Variants in STXBP5L observed in about 807,000 individuals in gnomAD.
STXBP5L encodes syntaxin-binding protein 5-like.
STXBP5L carries 65 observed loss-of-function variants against 144.5 expected under a neutral mutation model. That is an observed-to-expected ratio of 0.45 (90% confidence interval 0.37 to 0.55). The LOEUF (loss-of-function observed/expected upper bound fraction) is 0.55. Ranked by LOEUF, STXBP5L falls within the 20% of genes least tolerant of loss-of-function variation. The probability of loss-of-function intolerance (pLI) is 0.00; values close to 1 mark genes in which losing one functional copy is unlikely to be tolerated. For missense variants in STXBP5L, 1,298 were observed against 1,405.5 expected (o/e 0.92, Z 1.22); for synonymous variants, 505 against 469.6 (o/e 1.08, Z -0.97).
intron 20 of STXBP5L, among the ~76,000 whole-genome samples, chr3:121,377,645 T>C (rs977197697): frequency 6.6e-6 from 1 of 152,194 alleles, no homozygotes; most frequent in Non-Finnish European, 1.5e-5. Context: ...CCAGTTAGAA[T>C]GGCAATCATT....
intron 5 of STXBP5L, among the ~76,000 whole-genome samples, chr3:121,048,282 T>G (rs1416991605): frequency 6.6e-6 from 1 of 152,160 alleles, no homozygotes; most frequent in Non-Finnish European, 1.5e-5. Context: ...CTTTCACTTT[T>G]TCCCTTTTCT....
intron 20 of STXBP5L, among the ~76,000 whole-genome samples, chr3:121,353,737 T>C (rs1259070998): frequency 1.3e-5 from 2 of 152,208 alleles, no homozygotes; most frequent in African/African-American, 4.8e-5. Flanking sequence ...TTTGAATTTG[T>C]TTCCTCTTGC....
chr3:121,184,203 C>T (rs1287032622), intron 9 of STXBP5L, among the ~76,000 whole-genome samples: 2 of 151,826 alleles, frequency 1.3e-5, no homozygotes, highest in African/African-American at 4.8e-5. Flanking sequence ...CAAAACTGGA[C>T]AGAGAATGAG....
In STXBP5L at chr3:120,953,770, C is replaced by A. The variant is rs116812362; in HGVS notation, c.190-1170C>A. 6.3e-3 allele frequency among the ~76,000 whole-genome samples: 963 copies of A among 152,068 alleles called. 13 individuals carry two copies. The highest frequency in any genetic ancestry group is 0.021 in the African/African-American group (868 of 41,498). On this transcript the variant is annotated intron_variant, in intron 2 of 26. Coordinates refer to ENST00000471454, the MANE Select transcript of STXBP5L (RefSeq NM_001308330.2). ...GTGTTCCTTGCAGATAGTTTTAGTT[C>A]TTCCTTCCTATCTGGATGTGTCTTA...
chr3:121,092,299 T>A (rs2042852423), intron 5 of STXBP5L, among the ~76,000 whole-genome samples: 1 of 152,050 alleles, frequency 6.6e-6, no homozygotes, highest in Non-Finnish European at 1.5e-5. Flanking sequence ...GTTTTCCAAT[T>A]CTGTGATGAA....
intron 12 of STXBP5L, 48 bp from the exon 13 acceptor site, chr3:121,238,923 G>GT (rs780973418): frequency 1.4e-5 from 21 of 1,455,364 alleles, no homozygotes; most frequent in East Asian, 5.1e-5. Context: ...ATTATTTTCT[G>GT]TTTTTTTCTT....
intron 20 of STXBP5L, among the ~76,000 whole-genome samples, chr3:121,378,450 G>T (rs998841012): frequency 1.3e-4 from 19 of 151,998 alleles, no homozygotes; most frequent in African/African-American, 4.6e-4. Flanking sequence ...AGAATACATG[G>T]TAGAGATATA....
At chr3:120,990,187 A>G (rs919579230) in intron 3 of STXBP5L, among the ~76,000 whole-genome samples, 27 of 152,198 alleles carry the variant, frequency 1.8e-4, no homozygotes, top group African/African-American at 6.0e-4. Flanking sequence ...GAGCCAAATC[A>G]TGAGTGAACT....
At chr3:121,052,874 A>G (rs1948132542) in intron 5 of STXBP5L, among the ~76,000 whole-genome samples, 1 of 152,218 alleles carries the variant, frequency 6.6e-6, no homozygotes, top group Non-Finnish European at 1.5e-5. Context: ...AATCTCCTTA[A>G]GCTGATAAGC....
chr3:121,298,748 G>A (rs1211045746), intron 19 of STXBP5L, among the ~76,000 whole-genome samples: 1 of 152,144 alleles, frequency 6.6e-6, no homozygotes, highest in Admixed American at 6.6e-5. Flanking sequence ...TGATTGCCAG[G>A]ATCTGTGGAG....
At chr3:120,913,586 A>G (rs928679209) in intron 2 of STXBP5L, among the ~76,000 whole-genome samples, 3 of 152,070 alleles carry the variant, frequency 2.0e-5, no homozygotes, top group African/African-American at 7.2e-5. Context: ...AAATCATTTG[A>G]TAAATGACTA....
chr3:121,156,191 T>G lies in STXBP5L; in HGVS notation c.754-1313T>G, dbSNP rs78896460. The stretch of plus-strand genomic sequence containing the variant: ...ATGTTGCTTTTTCCACTTAATCAAA[T>G]CTTATTTTCTTGATTATATGTGTAA... On this transcript the variant is annotated intron_variant, in intron 8 of 26. Coordinates refer to ENST00000471454, the MANE Select transcript of STXBP5L (RefSeq NM_001308330.2). Among the ~76,000 whole-genome samples, 166 of 152,110 alleles carry G rather than the reference T, an allele frequency of 1.1e-3. 3 individuals carry two copies. The East Asian group carries it at 0.031, about 29-fold the overall frequency.
intron 3 of STXBP5L, among the ~76,000 whole-genome samples, chr3:120,969,397 T>G (rs951317791): frequency 1.4e-4 from 4 of 29,106 alleles, no homozygotes; most frequent in Non-Finnish European, 3.9e-4. Context: ...ATTATTTGTG[T>G]TTTTTTTTTT....
chr3:121,384,297 C>T lies in STXBP5L; in HGVS notation c.2587+2765C>T, dbSNP rs540445562. ...CATGGCAGGGGGATTTGGGGAAGAG[C>T]TCCCTAACAAAGATGACATCTGAAG... On this transcript the variant is annotated intron_variant, in intron 22 of 26. Transcript: ENST00000471454. Among the ~76,000 whole-genome samples, 3 of 152,188 alleles carry T rather than the reference C, an allele frequency of 2.0e-5. No individual in the cohort carries two copies. In the East Asian group the frequency reaches 5.8e-4, roughly 29 times the overall value.
intron 20 of STXBP5L, among the ~76,000 whole-genome samples, chr3:121,376,620 G>T (rs570943200): frequency 2.6e-5 from 4 of 152,284 alleles, no homozygotes; most frequent in African/African-American, 9.6e-5. Flanking sequence ...GTATCATGCT[G>T]TTTTGGTTAC....
chr3:121,042,255 T>G (rs759456199), intron 4 of STXBP5L, among the ~76,000 whole-genome samples: 6 of 152,188 alleles, frequency 3.9e-5, no homozygotes, highest in Non-Finnish European at 7.4e-5. Context: ...TAGTTATTTT[T>G]GTGTCCGTAG....
intron 3 of STXBP5L, among the ~76,000 whole-genome samples, chr3:120,975,350 T>C (rs1576539228): frequency 6.6e-6 from 1 of 152,298 alleles, no homozygotes; most frequent in African/African-American, 2.4e-5. Context: ...TGTTTGTCTG[T>C]TATTGGTGTA....
intron 3 of STXBP5L, among the ~76,000 whole-genome samples, chr3:121,030,523 A>G (rs1279881803): frequency 6.6e-6 from 1 of 152,038 alleles, no homozygotes; most frequent in Non-Finnish European, 1.5e-5. Flanking sequence ...ACACCGGGGC[A>G]TGTTGCGGGG....
intron 7 of STXBP5L, among the ~76,000 whole-genome samples, chr3:121,138,251 G>T (rs931547147): frequency 3.3e-5 from 5 of 151,868 alleles, no homozygotes; most frequent in Non-Finnish European, 7.4e-5. Flanking sequence ...ATTGATAAGA[G>T]AATTGAAGAA....
Sources: gnomAD v4.1 joint callset for allele counts (sites outside exome capture counted in the v4.1 genomes callset) on GRCh38, gnomAD v4.1.1 for gene constraint, MANE v1.5 for transcripts, NCBI Gene and HGNC (gene_info 2026-07-23, HGNC 2026-07-21) for gene names.